DLG2: variants seen among roughly 807,000 people sequenced by gnomAD.
The protein encoded by DLG2 is disks large homolog 2.
Under a neutral mutation model 132.5 loss-of-function variants are expected in DLG2, and 45 were observed. That is an observed-to-expected ratio of 0.34 (90% CI 0.27 to 0.44). DLG2 has a LOEUF of 0.44. Among genes scored for constraint, DLG2 ranks in the 20% least tolerant of loss-of-function variants. DLG2 has a pLI of 1.00. For synonymous variants in DLG2, 424 were observed against 419.6 expected (o/e 1.01, Z -0.13); for missense variants, 1,045 against 1,196.9 (o/e 0.87, Z 1.87).
At chr11:84,309,071 C>T (rs530056755) in intron 7 of DLG2, among the ~76,000 whole-genome samples, 1 of 152,254 alleles carries the variant, frequency 6.6e-6, no homozygotes, top group African/African-American at 2.4e-5. Context: ...GCAAGGGCTG[C>T]GAGGACTGCC....
At position 85,551,051 on chromosome 11, in the gene DLG2, T is replaced by G. The variant is rs538408015; in HGVS notation, c.40+47606A>C. 1.1e-4 allele frequency among the ~76,000 whole-genome samples: 16 copies of G among 152,326 alleles called. No individual in the cohort carries two copies. In the East Asian group the frequency reaches 2.9e-3, roughly 27 times the overall value. ...TCTTGTTAATTTTAGGATAAAATCC[T>G]GACACCATTATCAAAATATGAGGTA... On this transcript the variant is annotated intron_variant, in intron 3 of 27. Transcript: ENST00000376104.
intron 6 of DLG2, among the ~76,000 whole-genome samples, chr11:85,039,240 A>G (rs2061649175): frequency 9.1e-6 from 1 of 109,838 alleles, no homozygotes; most frequent in Non-Finnish European, 1.9e-5. Context: ...CTCCAACTTT[A>G]GAGACATTCA....
At chr11:85,222,528 C>G (rs1270835713) in intron 4 of DLG2, among the ~76,000 whole-genome samples, 6 of 152,050 alleles carry the variant, frequency 3.9e-5, no homozygotes, top group Non-Finnish European at 8.8e-5. Context: ...CTGGTATTCC[C>G]TCATTGGAAA....
At chr11:84,977,390 C>G (rs886819628) in intron 6 of DLG2, among the ~76,000 whole-genome samples, 1 of 152,080 alleles carries the variant, frequency 6.6e-6, no homozygotes, top group Non-Finnish European at 1.5e-5. Flanking sequence ...CTTCATGACC[C>G]CTTTGAGCTT....
At chr11:85,559,853 TAGATAG>T (rs2077141276) in intron 3 of DLG2, among the ~76,000 whole-genome samples, 1 of 150,234 alleles carries the variant, frequency 6.7e-6, no homozygotes, top group African/African-American at 2.5e-5. Flanking sequence ...GATAGATAGA[TAGATAG>T]AGATAAATAT....
intron 3 of DLG2, among the ~76,000 whole-genome samples, chr11:85,395,738 A>AAGC (rs2087281709): frequency 6.6e-6 from 1 of 151,652 alleles, no homozygotes; most frequent in Non-Finnish European, 1.5e-5. Flanking sequence ...TGAGTAGCTC[A>AAGC]CAGTGTAAAC....
At chr11:84,662,943 C>A (rs2099696126) in intron 6 of DLG2, among the ~76,000 whole-genome samples, 1 of 152,044 alleles carries the variant, frequency 6.6e-6, no homozygotes, top group African/African-American at 2.4e-5. Context: ...CCAGCCTACT[C>A]AGTTATAATT....
At chr11:83,858,160 T>C (rs1273653400) in intron 16 of DLG2, among the ~76,000 whole-genome samples, 1 of 152,058 alleles carries the variant, frequency 6.6e-6, no homozygotes, top group Non-Finnish European at 1.5e-5. Context: ...TGAGTACGAG[T>C]TCTGATCTAT....
intron 6 of DLG2, among the ~76,000 whole-genome samples, chr11:84,566,144 C>T (rs1019374348): frequency 4.0e-5 from 6 of 151,606 alleles, no homozygotes; most frequent in Middle Eastern, 3.2e-3. Context: ...TGTATTTTTA[C>T]TAGAGATGGG....
chr11:84,009,456 AT>A (rs923107378), intron 11 of DLG2, among the ~76,000 whole-genome samples: 7 of 151,864 alleles, frequency 4.6e-5, no homozygotes, highest in Non-Finnish European at 1.0e-4. Context: ...ATATGGTATG[AT>A]TTTTTTTCTG....
intron 18 of DLG2, among the ~76,000 whole-genome samples, chr11:83,750,480 C>T (rs1410657736): frequency 6.6e-6 from 1 of 152,118 alleles, no homozygotes; most frequent in Non-Finnish European, 1.5e-5. Flanking sequence ...AGTTCAGTTA[C>T]CTTTAGACTC....
At chr11:84,560,342 C>T (rs2099423730) in intron 6 of DLG2, among the ~76,000 whole-genome samples, 1 of 152,090 alleles carries the variant, frequency 6.6e-6, no homozygotes, top group Non-Finnish European at 1.5e-5. Context: ...ATAACTCAGT[C>T]CCCATTAGGA....
chr11:83,805,885 C>T (rs1313784280), intron 17 of DLG2, among the ~76,000 whole-genome samples: 1 of 152,230 alleles, frequency 6.6e-6, no homozygotes, highest in South Asian at 2.1e-4. Context: ...AAGTGAGGCA[C>T]AGAGAATGAA....
chr11:84,026,615 T>C (rs1427364842), intron 11 of DLG2, among the ~76,000 whole-genome samples: 1 of 152,090 alleles, frequency 6.6e-6, no homozygotes, highest in Non-Finnish European at 1.5e-5. Context: ...CTTATAGTTA[T>C]ATATCTATAG....
chr11:84,950,931 T>C (rs1194191549), intron 6 of DLG2, among the ~76,000 whole-genome samples: 2 of 152,232 alleles, frequency 1.3e-5, no homozygotes, highest in South Asian at 2.1e-4. Context: ...CTTCTTTACA[T>C]ATTTAATTAT....
chr11:84,606,904 G>C (rs897074006), intron 6 of DLG2, among the ~76,000 whole-genome samples: 1 of 151,950 alleles, frequency 6.6e-6, no homozygotes, highest in Admixed American at 6.6e-5. Context: ...CTGGACCCTC[G>C]CATGTACCAG....
chr11:85,115,702 C>T (rs985950524), intron 5 of DLG2, among the ~76,000 whole-genome samples: 7 of 151,716 alleles, frequency 4.6e-5, no homozygotes, highest in Non-Finnish European at 1.0e-4. Context: ...TTTAAGGAGG[C>T]GAAGGTGTAA....
chr11:84,623,105 C>G (rs1010520324), intron 6 of DLG2, among the ~76,000 whole-genome samples: 4 of 152,122 alleles, frequency 2.6e-5, no homozygotes, highest in Non-Finnish European at 5.9e-5. Context: ...CAAACACCAC[C>G]CTTTTGATTA....
intron 11 of DLG2, among the ~76,000 whole-genome samples, chr11:84,047,118 C>A (rs2096257185): frequency 6.6e-6 from 1 of 151,580 alleles, no homozygotes; most frequent in Non-Finnish European, 1.5e-5. Context: ...CAGAGGAGGA[C>A]TGCATTATTT....
Sources: gnomAD v4.1 joint callset for allele counts (sites outside exome capture counted in the v4.1 genomes callset) on GRCh38, gnomAD v4.1.1 for gene constraint, MANE v1.5 for transcripts, NCBI Gene and HGNC (gene_info 2026-07-23, HGNC 2026-07-21) for gene names.